SLCO4A1: variants seen among roughly 807,000 people sequenced by gnomAD.
SLCO4A1 encodes colon organic anion transporter.
In SLCO4A1, 51 loss-of-function variants were observed where a neutral mutation model predicts 64.6. The observed-to-expected ratio is 0.79, with a 90% CI of 0.63 to 1.00. SLCO4A1 has a LOEUF of 1.00. SLCO4A1 is among the 50% of genes least tolerant of loss of function. The probability of loss-of-function intolerance (pLI) is 0.00; values close to 1 mark genes in which losing one functional copy is unlikely to be tolerated. For synonymous variants in SLCO4A1, 471 were observed against 444.9 expected (o/e 1.06, Z -0.74); for missense variants, 919 against 980.5 (o/e 0.94, Z 0.84).
At chr20:62,671,342 C>T (rs964962552) in intron 11 of SLCO4A1, among the ~76,000 whole-genome samples, 1 of 152,178 alleles carries the variant, frequency 6.6e-6, no homozygotes, top group African/African-American at 2.4e-5. Flanking sequence ...GTCCCTGCCT[C>T]AAGTCTTCCT....
chr20:62,665,002 CT>C lies in SLCO4A1; in HGVS notation c.1191del (p.Leu398SerfsTer19). ...TGCCTGGCCGGGGCCACCGAGGCCA[CT>C]CTCATCACCGGCATGTCCACGTTCA... ...LLCLAGATEA[T>X]LITGMSTFSP... On this transcript the variant is annotated frameshift_variant, in exon 6 of 12. Transcript: ENST00000217159. LOFTEE classifies it high-confidence loss of function. 9 of 1,613,304 alleles carry C rather than the reference CT, an allele frequency of 5.6e-6. No individual in the cohort carries two copies. Among genetic ancestry groups the C allele is most frequent in the Non-Finnish European group, 7.6e-6 (9 of 1,179,604 alleles).
At chr20:62,680,247 C>T (rs1298787862) in intron 2 of SLCO4A1, among the ~76,000 whole-genome samples, 2 of 152,208 alleles carry the variant, frequency 1.3e-5, no homozygotes, top group Non-Finnish European at 2.9e-5. Flanking sequence ...CTGCTAGGCC[C>T]ACTTTTGTGC....
intron 1 of SLCO4A1, chr20:62,643,247 G>A (rs943081787): frequency 3.0e-6 from 1 of 337,678 alleles, no homozygotes; most frequent in Non-Finnish European, 5.9e-6. Flanking sequence ...GCAGGCAGAG[G>A]GTCGGGTGCC....
intron 2 of SLCO4A1, among the ~76,000 whole-genome samples, chr20:62,684,725 C>T (rs1987989773): frequency 6.6e-6 from 1 of 152,130 alleles, no homozygotes. Context: ...CCCCCACTGC[C>T]CTGGACACAC....
intron 2 of SLCO4A1, among the ~76,000 whole-genome samples, chr20:62,683,924 C>T (rs1007850742): frequency 1.4e-5 from 2 of 140,824 alleles, no homozygotes; most frequent in African/African-American, 5.3e-5. Context: ...AACGATCTCA[C>T]GTGACCACGC....
At chr20:62,660,129 G>A (rs945674983) in intron 3 of SLCO4A1, among the ~76,000 whole-genome samples, 8 of 152,174 alleles carry the variant, frequency 5.3e-5, no homozygotes, top group African/African-American at 1.7e-4. Flanking sequence ...CAACCCCACC[G>A]TGGTCTCAGG....
intron 1 of SLCO4A1, among the ~76,000 whole-genome samples, chr20:62,648,307 G>A (rs1377908544): frequency 1.3e-5 from 2 of 152,252 alleles, no homozygotes; most frequent in African/African-American, 4.8e-5. Flanking sequence ...AGCCACCTAA[G>A]GCTCCGCCTC....
rs1469313479 is a variant in SLCO4A1 at position 62,661,448 on chromosome 20, T to C, written c.1121+273T>C. 6.6e-6 allele frequency among the ~76,000 whole-genome samples: 1 copy of C among 151,956 alleles called. No homozygotes were observed. Among genetic ancestry groups the C allele is most frequent in the African/African-American group, 2.4e-5 (1 of 41,368 alleles). On this transcript the variant is annotated intron_variant, in intron 5 of 11. Transcript: ENST00000217159. The surrounding 1 kb of genome is among the most constrained non-coding windows in gnomAD (Gnocchi z 5.2). ...GGGAGCCATCACTTCACTCATACAG[T>C]GTGGAGACTCCTGTGGGCTGCGCCT...
rs576630301 is a variant in SLCO4A1, at chr20:62,660,598, G to A, written c.1009+65G>A. 1.9e-5 allele frequency: 30 copies of A among 1,553,938 alleles called. No individual in the cohort carries two copies. In the East Asian group the frequency reaches 6.3e-4, roughly 33 times the overall value. On this transcript the variant is annotated intron_variant, in intron 4 of 11. Coordinates refer to ENST00000217159, the MANE Select transcript of SLCO4A1 (RefSeq NM_016354.4). ...ACTGTCCCTTAGTCTTCGCGAAGGG[G>A]GCACCCCGTTTCCTCTGCTGTCTTT...
chr20:62,671,437 A>G (rs1292585122), intron 11 of SLCO4A1, among the ~76,000 whole-genome samples: 2 of 152,204 alleles, frequency 1.3e-5, no homozygotes, highest in Non-Finnish European at 2.9e-5. Flanking sequence ...CCTTAATTAC[A>G]TCTGCAAAGA....
downstream of SLCO4A1, among the ~76,000 whole-genome samples, chr20:62,675,373 G>A (rs372859085): frequency 1.5e-3 from 230 of 152,142 alleles, no homozygotes; most frequent in African/African-American, 4.4e-3. Flanking sequence ...CCACCCACGC[G>A]GGCTCTGCCA....
intron 2 of SLCO4A1, among the ~76,000 whole-genome samples, chr20:62,681,938 T>C (rs1987852282): frequency 2.6e-5 from 4 of 152,180 alleles, no homozygotes; most frequent in African/African-American, 9.7e-5. Context: ...ACTAATTTTA[T>C]GGAAAAGGGA....
rs554567289 is a variant in SLCO4A1 at position 62,659,570 on chromosome 20, A to C, written c.887+803A>C. 5.9e-5 allele frequency among the ~76,000 whole-genome samples: 9 copies of C among 152,070 alleles called. No homozygotes were observed. The East Asian group carries it at 1.7e-3, about 29-fold the overall frequency. Reference sequence around the variant, plus strand: ...GCTGGAGCTCGTGTCCCGGGTCTGGATGCTTCTCTCAGTCTCTGTGCCCCT... The same window carrying C: ...GCTGGAGCTCGTGTCCCGGGTCTGGCTGCTTCTCTCAGTCTCTGTGCCCCT... On this transcript the variant is annotated intron_variant, in intron 3 of 11. Transcript: ENST00000217159.
chr20:62,652,020 C>T (rs1982605187), intron 1 of SLCO4A1: 1 of 133,062 alleles, frequency 7.5e-6, no homozygotes, highest in African/African-American at 2.7e-5. Context: ...ACTCCCCCTG[C>T]CCCCGCCTCC....
intron 1 of SLCO4A1, among the ~76,000 whole-genome samples, chr20:62,653,177 C>T (rs1202450303): frequency 6.6e-6 from 1 of 152,216 alleles, no homozygotes; most frequent in Admixed American, 6.5e-5. Flanking sequence ...GGCATCCATT[C>T]GCTGAGAGGG....
Position 62,645,371 on chromosome 20 carries a change from C to G in SLCO4A1, c.-97+2818C>G, listed in dbSNP as rs1981115806. Among the ~76,000 whole-genome samples, 1 of 151,908 alleles carries G rather than the reference C, an allele frequency of 6.6e-6. No individual in the cohort carries two copies. Among genetic ancestry groups the G allele is most frequent in the Admixed American group, 6.6e-5 (1 of 15,258 alleles). ...CCTCTGCAGAGGAAGCAGACTGGGACTACAAAGAACAACCTGGTCCTGGGG... is the reference window on the plus strand; with the variant it reads ...CCTCTGCAGAGGAAGCAGACTGGGAGTACAAAGAACAACCTGGTCCTGGGG... On this transcript the variant is annotated intron_variant, in intron 1 of 11. Coordinates refer to ENST00000217159, the MANE Select transcript of SLCO4A1 (RefSeq NM_016354.4). The surrounding 1 kb of genome is among the most constrained non-coding windows in gnomAD (Gnocchi z 4.2).
chr20:62,668,403 GCCAC>G, intron 9 of SLCO4A1, 70 bp from the exon 10 acceptor site: 2 of 1,490,118 alleles, frequency 1.3e-6, no homozygotes, highest in South Asian at 2.3e-5. Flanking sequence ...GGTCCAGGAG[GCCAC>G]TGGCCTAGGG....
intron 2 of SLCO4A1, among the ~76,000 whole-genome samples, chr20:62,678,532 C>CT (rs71195465): frequency 0.14 from 19,859 of 138,668 alleles, 1,561 homozygotes; most frequent in Middle Eastern, 0.19. Context: ...CAGCGCTATT[C>CT]TTTTTTTTTT....
chr20:62,652,776 C>T lies in SLCO4A1; in HGVS notation c.-96-3583C>T, dbSNP rs114866490. Among the ~76,000 whole-genome samples the T allele has an allele frequency of 3.8e-3, 582 of 152,350 alleles. 2 individuals carry two copies. The highest frequency in any genetic ancestry group is 0.013 in the African/African-American group (526 of 41,576). On this transcript the variant is annotated intron_variant, in intron 1 of 11. Transcript: ENST00000217159. ...GCCGCGGGCACCCAGGGAGCAGGCCCCAGGCATGAATGCTGTGGAATCTCT... is the reference window on the plus strand; with the variant it reads ...GCCGCGGGCACCCAGGGAGCAGGCCTCAGGCATGAATGCTGTGGAATCTCT...
Sources: gnomAD v4.1 joint callset for allele counts (sites outside exome capture counted in the v4.1 genomes callset) on GRCh38, gnomAD v4.1.1 for gene constraint, Gnocchi (gnomAD v3.1) non-coding constraint, MANE v1.5 for transcripts, NCBI Gene and HGNC (gene_info 2026-07-23, HGNC 2026-07-21) for gene names.